The following STAR variants were observed in gnomAD, a reference collection of about 807,000 sequenced individuals.
STAR encodes steroidogenic acute regulatory protein, mitochondrial.
In STAR, 32 loss-of-function variants were observed where a neutral mutation model predicts 32.3. That is an observed-to-expected ratio of 0.99 (90% CI 0.75 to 1.33). The LOEUF (loss-of-function observed/expected upper bound fraction) is 1.33, where lower values mean the gene tolerates loss of function less well. Ranked by LOEUF, STAR falls within the 40% of genes most tolerant of loss-of-function variation. STAR has a pLI of 0.00. For synonymous variants in STAR, 134 were observed against 140.5 expected (o/e 0.95, Z 0.33); for missense variants, 375 against 379.0 (o/e 0.99, Z 0.09).
chr8:38,146,510 G>A (rs1357236782), intron 3 of STAR, 63 bp from the exon 4 acceptor site: 4 of 1,570,348 alleles, frequency 2.5e-6, no homozygotes, highest in African/African-American at 2.7e-5. Context: ...GGGCATGGTG[G>A]TTCACGCCTA....
rs1011571206 is a variant in STAR, at chr8:38,143,495, C to T, written c.*778G>A. Among the ~76,000 whole-genome samples the T allele has an allele frequency of 4.6e-5, 7 of 151,938 alleles. No individual in the cohort carries two copies. The highest frequency in any genetic ancestry group is 1.5e-4 in the African/African-American group (6 of 41,350). ...CTAATTTTTTGTATTTTAGTAGAGA[C>T]GGGGTTTCACCATGTTGGCCAGGAT... On this transcript the variant is annotated 3_prime_UTR_variant, in exon 7 of 7. Transcript: ENST00000276449.
At position 38,142,720 on chromosome 8, in the gene STAR, G is replaced by GAAACCCCA. The variant is rs1563266625; in HGVS notation, c.*1552_*1553insTGGGGTTT. On this transcript the variant is annotated 3_prime_UTR_variant, in exon 7 of 7. Coordinates refer to ENST00000276449, the MANE Select transcript of STAR (RefSeq NM_000349.3). ...ATTTTGTATTTTTAGTAGAGATGGG[G>GAAACCCCA]TTTCTCCATGTTAGTCAGGCTGGTC... 9.2e-5 allele frequency among the ~76,000 whole-genome samples: 14 copies of GAAACCCCA among 151,850 alleles called. No individual in the cohort carries two copies. The East Asian group carries it at 2.7e-3, about 29-fold the overall frequency.
At chr8:38,149,793 A>G (rs1343837309) in intron 1 of STAR, among the ~76,000 whole-genome samples, 1 of 151,896 alleles carries the variant, frequency 6.6e-6, no homozygotes, top group Non-Finnish European at 1.5e-5. Context: ...GAGCCAAGAT[A>G]GCGCCAGTGC....
At position 38,150,856 on chromosome 8, in the gene STAR, C is replaced by A. The variant is rs976828855; in HGVS notation, c.-38G>T. The stretch of plus-strand genomic sequence containing the variant: ...AATGTGGCAGTGGTGGGGTCGCTGC[C>A]GCTGCTGCTGCCGCCGCTGCTGCTG... On this transcript the variant is annotated 5_prime_UTR_variant, in exon 1 of 7. Transcript: ENST00000276449. 1.9e-6 allele frequency: 3 copies of A among 1,600,692 alleles called. 1 individual carries two copies. The highest frequency in any genetic ancestry group is 1.7e-4 in the Middle Eastern group (1 of 6,028).
chr8:38,146,268 C>T (rs1291895823), intron 4 of STAR, 21 bp downstream of exon 4: 4 of 1,613,946 alleles, frequency 2.5e-6, no homozygotes, highest in Non-Finnish European at 8.5e-7. Flanking sequence ...CCCCTGCCAC[C>T]TGCACCTGGA....
At chr8:38,147,322 A>C (rs1481226741) in intron 3 of STAR, among the ~76,000 whole-genome samples, 3 of 152,174 alleles carry the variant, frequency 2.0e-5, no homozygotes, top group Non-Finnish European at 2.9e-5. Flanking sequence ...GGTAGGTCCA[A>C]CTGAAAAGAC....
intron 1 of STAR, 150 bp downstream of exon 1, chr8:38,150,605 C>A: frequency 7.9e-7 from 1 of 1,262,714 alleles, no homozygotes; most frequent in South Asian, 1.3e-5. Flanking sequence ...CAGCCCACTT[C>A]TTCCGAGGGG....
At chr8:38,144,891 TC>T (rs1477937950) in intron 6 of STAR, 33 of 757,564 alleles carry the variant, frequency 4.4e-5, no homozygotes, top group Non-Finnish European at 5.5e-5. Context: ...CGCCTGTAGT[TC>T]CAGCTACTCA....
At position 38,148,709 on chromosome 8, in the gene STAR, C is replaced by T. The variant is rs141136662; in HGVS notation, c.110G>A (p.Arg37Gln). 6 of 1,613,922 alleles carry T rather than the reference C, an allele frequency of 3.7e-6. No individual in the cohort carries two copies. The highest frequency in any genetic ancestry group is 2.7e-5 in the African/African-American group (2 of 74,940). ...AGGGGTGGGGCCCCCCAGGGCCCTC[C>T]GGTTCAGCTCCTGGCTGATGGCCAT... ...AVMAISQELN[R>Q]RALGGPTPST... Residue 37 changes from arginine (R) to glutamine (Q), a missense_variant, in exon 2 of 7, where the codon CGG (arginine) becomes CAG (glutamine). Physicochemically the swap from Arg to Gln is conservative, Grantham distance 43. Coordinates refer to ENST00000276449, the MANE Select transcript of STAR (RefSeq NM_000349.3).
At chr8:38,145,937 G>A (rs767093458) in intron 5 of STAR, 26 bp downstream of exon 5, 2 of 1,612,476 alleles carry the variant, frequency 1.2e-6, no homozygotes, top group South Asian at 1.1e-5. Flanking sequence ...AGAAGAGGGG[G>A]GTTTGGAGCC....
chr8:38,144,182 G>T lies in STAR; in HGVS notation c.*91C>A. The T allele has an allele frequency of 2.3e-6, 3 of 1,316,398 alleles. No individual in the cohort carries two copies. The highest frequency in any genetic ancestry group is 3.2e-6 in the Non-Finnish European group (3 of 943,106). The allele number at this position is 1,316,398 out of a possible 1,614,324, so 81.5% of individuals were successfully genotyped here. A position where few individuals can be genotyped will look rare whatever the true frequency, so the allele number is the denominator to read the frequency against. On this transcript the variant is annotated 3_prime_UTR_variant, in exon 7 of 7. Coordinates refer to ENST00000276449, the MANE Select transcript of STAR (RefSeq NM_000349.3). The stretch of plus-strand genomic sequence containing the variant: ...ACCCATCCCACTGTCACCAGATGGA[G>T]ATCTTAGACTTGCAGGCTTCCAGTA...
At position 38,143,408 on chromosome 8, in the gene STAR, G is replaced by A. The variant is rs1237324956; in HGVS notation, c.*865C>T. On this transcript the variant is annotated 3_prime_UTR_variant, in exon 7 of 7. Coordinates refer to ENST00000276449, the MANE Select transcript of STAR (RefSeq NM_000349.3). ...TACAACCTCCGCCTCCGGGGTTCAA[G>A]TGATTCCCCTGCCTCAGCCTCCCAA... is the stretch of plus-strand genomic sequence containing the variant. Among the ~76,000 whole-genome samples the A allele has an allele frequency of 6.6e-6, 1 of 150,984 alleles. No individual in the cohort carries two copies. Among genetic ancestry groups the A allele is most frequent in the African/African-American group, 2.4e-5 (1 of 41,040 alleles).
intron 2 of STAR, 60 bp from the exon 3 acceptor site, chr8:38,148,387 C>T: frequency 6.2e-7 from 1 of 1,607,624 alleles, no homozygotes. Flanking sequence ...CACCAGCTCT[C>T]ATCCCTGGAG....
Position 38,144,150 on chromosome 8 carries a change from G to A in STAR, c.*123C>T, listed in dbSNP as rs985038304. On this transcript the variant is annotated 3_prime_UTR_variant, in exon 7 of 7. Transcript: ENST00000276449. ...AATCCTAGTGTCATACTCTAAACAC[G>A]AACCCCACCCATCCCACTGTCACCA... 13 of 1,041,104 alleles carry A rather than the reference G, an allele frequency of 1.2e-5. No homozygotes were observed. The highest frequency in any genetic ancestry group is 2.0e-4 in the Middle Eastern group (1 of 4,956). The allele number at this position is 1,041,104 out of a possible 1,614,324, so 64.5% of individuals were successfully genotyped here.
intron 1 of STAR, among the ~76,000 whole-genome samples, chr8:38,149,830 C>T (rs1207705872): frequency 6.6e-6 from 1 of 152,176 alleles, no homozygotes; most frequent in African/African-American, 2.4e-5. Context: ...CAGAGCGAGA[C>T]TGCCTCAAAA....
chr8:38,145,105 A>T, intron 6 of STAR, 117 bp downstream of exon 6: 1 of 1,551,522 alleles, frequency 6.4e-7, no homozygotes, highest in Non-Finnish European at 8.7e-7. Context: ...TCCCTGTCTT[A>T]CAGCCTGTGA....
rs758984380 is a variant in STAR, at chr8:38,146,192, G to A, written c.466-45C>T. ...CAGAATCACGACTCAGCCTGTGTTG[G>A]GCTAAGCACCCCCCACAGCTAGGGG... On this transcript the variant is annotated intron_variant, in intron 4 of 6. Transcript: ENST00000276449. The A allele has an allele frequency of 3.1e-6, 5 of 1,613,598 alleles. No homozygotes were observed. The East Asian group carries it at 8.9e-5, about 29-fold the overall frequency.
chr8:38,143,186 T>C lies in STAR; in HGVS notation c.*1087A>G, dbSNP rs1157225213. On this transcript the variant is annotated 3_prime_UTR_variant, in exon 7 of 7. Transcript: ENST00000276449. ...AAGATCCTGGTAACAGAGTCTAAATTATTGAATTGCATAATTTCCCAGTAG... is the reference window on the plus strand; with the variant it reads ...AAGATCCTGGTAACAGAGTCTAAATCATTGAATTGCATAATTTCCCAGTAG... Among the ~76,000 whole-genome samples, 2 of 152,222 alleles carry C rather than the reference T, an allele frequency of 1.3e-5. No homozygotes were observed. Among genetic ancestry groups the C allele is most frequent in the Admixed American group, 6.5e-5 (1 of 15,274 alleles).
intron 3 of STAR, among the ~76,000 whole-genome samples, chr8:38,147,594 G>T (rs111857731): frequency 2.0e-5 from 3 of 152,366 alleles, no homozygotes; most frequent in African/African-American, 7.2e-5. Context: ...ATTACTCTGA[G>T]AACTTAGGGA....
Sources: gnomAD v4.1 joint callset for allele counts (sites outside exome capture counted in the v4.1 genomes callset) on GRCh38, gnomAD v4.1.1 for gene constraint, MANE v1.5 for transcripts, NCBI Gene and HGNC (gene_info 2026-07-23, HGNC 2026-07-21) for gene names.